The following ADAMTS17 variants were observed in gnomAD, a reference collection of about 807,000 sequenced individuals.
The protein encoded by ADAMTS17 is A disintegrin and metalloproteinase with thrombospondin motifs 17.
A neutral mutation model predicts 141.5 loss-of-function variants in ADAMTS17; 113 were observed. The ratio of observed to expected loss-of-function variants is 0.80; its 90% CI spans 0.69 to 0.93. The LOEUF (loss-of-function observed/expected upper bound fraction) is 0.93. ADAMTS17 is among the 40% of genes least tolerant of loss of function. The pLI is 0.00. For missense variants in ADAMTS17, 1,659 were observed against 1,517.9 expected (o/e 1.09, Z -1.54); for synonymous variants, 768 against 630.6 (o/e 1.22, Z -3.27).
At chr15:100,303,097 A>T (rs1157703374) in intron 3 of ADAMTS17, among the ~76,000 whole-genome samples, 1 of 147,050 alleles carries the variant, frequency 6.8e-6, no homozygotes, top group Admixed American at 6.8e-5. Flanking sequence ...TTCCCTTTAT[A>T]TATATAAAAT....
intron 20 of ADAMTS17, among the ~76,000 whole-genome samples, chr15:99,985,828 G>T (rs1050959502): frequency 1.3e-5 from 2 of 152,182 alleles, no homozygotes; most frequent in African/African-American, 2.4e-5. Flanking sequence ...CTAAAGCAAC[G>T]GCAAATGTCA....
chr15:100,301,484 CG>C (rs2045034083), intron 3 of ADAMTS17, among the ~76,000 whole-genome samples: 1 of 149,152 alleles, frequency 6.7e-6, no homozygotes, highest in Non-Finnish European at 1.5e-5. Flanking sequence ...ACCACCACAC[CG>C]GGCTAATTTT....
chr15:99,995,626 T>A (rs1162173394), intron 19 of ADAMTS17, among the ~76,000 whole-genome samples: 1 of 152,180 alleles, frequency 6.6e-6, no homozygotes, highest in Non-Finnish European at 1.5e-5. Context: ...GAGTAGGTAG[T>A]GAGAGCAATC....
In ADAMTS17 at chr15:100,219,159, C is replaced by T. The variant is rs181594212; in HGVS notation, c.1076-19736G>A. On this transcript the variant is annotated intron_variant, in intron 7 of 21. Coordinates refer to ENST00000268070, the MANE Select transcript of ADAMTS17 (RefSeq NM_139057.4). ...TCCAGAACAGGCAAATCCATGGCAG[C>T]TTAGTGGGTGACTAGTGCTTGGGGA... 5.9e-5 allele frequency among the ~76,000 whole-genome samples: 9 copies of T among 152,280 alleles called. No homozygotes were observed. In the East Asian group the frequency reaches 1.7e-3, roughly 29 times the overall value.
At chr15:100,236,376 C>A (rs1216834652) in intron 7 of ADAMTS17, among the ~76,000 whole-genome samples, 1 of 151,760 alleles carries the variant, frequency 6.6e-6, no homozygotes. Flanking sequence ...GCACCACCAG[C>A]ATCCATAGCC....
At chr15:100,305,665 T>C (rs899943386) in intron 3 of ADAMTS17, among the ~76,000 whole-genome samples, 3 of 152,142 alleles carry the variant, frequency 2.0e-5, no homozygotes, top group Non-Finnish European at 2.9e-5. Context: ...TAGATCTGGA[T>C]CTACCGGATA....
intron 3 of ADAMTS17, among the ~76,000 whole-genome samples, chr15:100,311,963 G>A (rs977907072): frequency 2.6e-5 from 4 of 152,138 alleles, no homozygotes; most frequent in Admixed American, 2.0e-4. Context: ...ATGCTGGCTG[G>A]GGCTGTCCAG....
chr15:100,151,132 C>A (rs1282908704), intron 10 of ADAMTS17, among the ~76,000 whole-genome samples: 3 of 152,166 alleles, frequency 2.0e-5, no homozygotes, highest in Admixed American at 1.3e-4. Flanking sequence ...CTGCTGGGGG[C>A]AGGAGGTACA....
At chr15:100,254,904 T>G (rs2043274082) in intron 6 of ADAMTS17, among the ~76,000 whole-genome samples, 1 of 152,124 alleles carries the variant, frequency 6.6e-6, no homozygotes, top group South Asian at 2.1e-4. Context: ...ATGCTGGGCT[T>G]AATACCTAGG....
intron 3 of ADAMTS17, among the ~76,000 whole-genome samples, chr15:100,298,498 A>C (rs765855176): frequency 1.5e-4 from 23 of 151,954 alleles, no homozygotes; most frequent in Non-Finnish European, 3.4e-4. Flanking sequence ...GCATGCAAAA[A>C]CTCATCAGTC....
chr15:100,290,402 G>C (rs965576549), intron 3 of ADAMTS17, among the ~76,000 whole-genome samples: 1 of 152,216 alleles, frequency 6.6e-6, no homozygotes, highest in South Asian at 2.1e-4. Context: ...TGGATAGGAA[G>C]AAACAATATT....
chr15:100,164,868 C>G (rs979873435), intron 8 of ADAMTS17, among the ~76,000 whole-genome samples: 1 of 152,208 alleles, frequency 6.6e-6, no homozygotes, highest in Non-Finnish European at 1.5e-5. Flanking sequence ...TGGCTACCCC[C>G]ATCCAGGACT....
intron 7 of ADAMTS17, among the ~76,000 whole-genome samples, chr15:100,251,076 AT>A (rs1219390107): frequency 1.3e-5 from 2 of 152,206 alleles, no homozygotes; most frequent in African/African-American, 2.4e-5. Context: ...TATACGTTTA[AT>A]TTTTTTAAAA....
chr15:99,976,485 G>A (rs2060333549), intron 20 of ADAMTS17: 2 of 594,964 alleles, frequency 3.4e-6, no homozygotes, highest in Non-Finnish European at 3.0e-6. Flanking sequence ...CCAGGCACTT[G>A]CAATCATTCA....
intron 10 of ADAMTS17, 91 bp downstream of exon 10, chr15:100,152,521 G>A: frequency 3.9e-6 from 6 of 1,557,856 alleles, no homozygotes; most frequent in East Asian, 4.5e-5. Flanking sequence ...TGCTGAGTGT[G>A]AATGCCCATG....
At chr15:100,014,057 T>C (rs1048875268) in intron 18 of ADAMTS17, among the ~76,000 whole-genome samples, 43 of 152,178 alleles carry the variant, frequency 2.8e-4, no homozygotes, top group African/African-American at 9.9e-4. Flanking sequence ...CATTTCAATC[T>C]CGCTGCTTGT....
intron 20 of ADAMTS17, among the ~76,000 whole-genome samples, chr15:99,982,271 C>T (rs541139164): frequency 6.6e-6 from 1 of 152,342 alleles, no homozygotes; most frequent in African/African-American, 2.4e-5. Context: ...AGGCACACTG[C>T]GTCACCTGGC....
At chr15:100,043,692 G>A (rs944125899) in intron 18 of ADAMTS17, among the ~76,000 whole-genome samples, 1 of 152,220 alleles carries the variant, frequency 6.6e-6, no homozygotes, top group Non-Finnish European at 1.5e-5. Flanking sequence ...ATATGCCAGA[G>A]ACCACATGTG....
chr15:99,972,772 T>A lies in ADAMTS17; in HGVS notation c.*1630A>T, dbSNP rs2060238025. ...CTGACATCCCTACCGCTTCTCTGCC[T>A]CTAGGGTAGTAAAAACAAAAACACA... On this transcript the variant is annotated 3_prime_UTR_variant, in exon 22 of 22. Coordinates refer to ENST00000268070, the MANE Select transcript of ADAMTS17 (RefSeq NM_139057.4). 1 of 152,182 alleles carries A rather than the reference T, an allele frequency of 6.6e-6. No homozygotes were observed. The highest frequency in any genetic ancestry group is 2.1e-4 in the South Asian group (1 of 4,832). 9.4% of individuals were successfully genotyped at this position (152,182 alleles called of 1,614,324 possible). A position where few individuals can be genotyped will look rare whatever the true frequency, so the allele number is the denominator to read the frequency against.
Sources: gnomAD v4.1 joint callset for allele counts (sites outside exome capture counted in the v4.1 genomes callset) on GRCh38, gnomAD v4.1.1 for gene constraint, MANE v1.5 for transcripts, NCBI Gene and HGNC (gene_info 2026-07-23, HGNC 2026-07-21) for gene names.